The following MAPKAPK5 variants were observed in gnomAD, a reference collection of about 807,000 sequenced individuals.
MAPKAPK5 encodes the protein MAP kinase-activated protein kinase 5.
In MAPKAPK5, 30 loss-of-function variants were observed where a neutral mutation model predicts 65.1. That is an observed-to-expected ratio of 0.46 (90% confidence interval 0.34 to 0.63). MAPKAPK5 has a LOEUF of 0.63. Among genes scored for constraint, MAPKAPK5 ranks in the 20% least tolerant of loss-of-function variants. The pLI, the probability that MAPKAPK5 is intolerant of heterozygous loss-of-function variation, is 0.01. For missense variants in MAPKAPK5, 433 were observed against 581.4 expected (o/e 0.74, Z 2.63); for synonymous variants, 179 against 204.6 (o/e 0.87, Z 1.07).
chr12:111,864,162 T>C (rs575567688), intron 1 of MAPKAPK5, among the ~76,000 whole-genome samples: 106 of 152,134 alleles, frequency 7.0e-4, no homozygotes, highest in African/African-American at 2.5e-3. Flanking sequence ...GTTTTCCTAG[T>C]TACTTGGGAG....
chr12:111,868,662 TC>T lies in MAPKAPK5; in HGVS notation c.285-90del. On this transcript the variant is annotated intron_variant, in intron 4 of 13. Transcript: ENST00000550735. ...TGTTACACACTTTGTAGATGCAGTA[TC>T]TTTAGGTCAGCTTCTTAATGTTTCA... 10 of 960,626 alleles carry T rather than the reference TC, an allele frequency of 1.0e-5. No homozygotes were observed. In the South Asian group the frequency reaches 1.6e-4, roughly 15 times the overall value. The allele number at this position is 960,626 out of a possible 1,614,324, so 59.5% of individuals were successfully genotyped here.
At chr12:111,890,483 G>A (rs1465387081) in intron 13 of MAPKAPK5, among the ~76,000 whole-genome samples, 2 of 152,204 alleles carry the variant, frequency 1.3e-5, no homozygotes, top group Non-Finnish European at 1.5e-5. Context: ...TCATTAAGAA[G>A]CAACAGATGC....
At chr12:111,856,731 G>A (rs2069252526) in intron 1 of MAPKAPK5, among the ~76,000 whole-genome samples, 1 of 151,978 alleles carries the variant, frequency 6.6e-6, no homozygotes, top group South Asian at 2.1e-4. Flanking sequence ...TTGTGTTACT[G>A]TTGTCTATGT....
At chr12:111,843,219 C>G (rs2068785874) in intron 1 of MAPKAPK5, 1 of 398,516 alleles carries the variant, frequency 2.5e-6, no homozygotes, top group Non-Finnish European at 4.4e-6. Context: ...AAAGGTGGTT[C>G]GCCGTACAAA....
rs1488713450 is a variant in MAPKAPK5 at position 111,877,178 on chromosome 12, C to T, written c.580-3269C>T. ...GATTAAAGGCATGTGCCACCACGCC[C>T]GGCTAATTTTTTGTATTTTTAGTAG... On this transcript the variant is annotated intron_variant, in intron 7 of 13. Coordinates refer to ENST00000550735, the MANE Select transcript of MAPKAPK5 (RefSeq NM_003668.4). Among the ~76,000 whole-genome samples, 5 of 152,078 alleles carry T rather than the reference C, an allele frequency of 3.3e-5. No homozygotes were observed. In the South Asian group the frequency reaches 6.2e-4, roughly 19 times the overall value.
At chr12:111,846,761 T>G (rs779404372) in intron 1 of MAPKAPK5, among the ~76,000 whole-genome samples, 6 of 151,922 alleles carry the variant, frequency 3.9e-5, no homozygotes, top group Non-Finnish European at 8.8e-5. Context: ...CCTCCCAAAG[T>G]GCTAGAGTTA....
chr12:111,867,703 C>T, intron 4 of MAPKAPK5, 34 bp downstream of exon 4: 1 of 1,501,264 alleles, frequency 6.7e-7, no homozygotes. Flanking sequence ...CAAATGCCCA[C>T]ATGTAGGCCA....
intron 8 of MAPKAPK5, among the ~76,000 whole-genome samples, chr12:111,880,818 C>T (rs2070177773): frequency 6.6e-6 from 1 of 152,138 alleles, no homozygotes; most frequent in Non-Finnish European, 1.5e-5. Context: ...TAATTAGGGA[C>T]CGTGATCATC....
Position 111,865,323 on chromosome 12 carries a change from G to T in MAPKAPK5, c.110G>T (p.Arg37Ile). The T allele has an allele frequency of 6.3e-7, 1 of 1,586,084 alleles. No individual in the cohort carries two copies. Among genetic ancestry groups the T allele is most frequent in the Admixed American group, 1.8e-5 (1 of 56,200 alleles). ...GGAGCTGGAATTAGTGGTCCAGTTA[G>T]GTAAGAGATCCATATGAGAAACTAT... ...KLGAGISGPV[R>I]VCVKKSTQER... Residue 37 changes from arginine (R) to isoleucine (I), a missense_variant and splice_region_variant, in exon 2 of 14, where the codon AGA becomes ATA. Arg to Ile is a moderately conservative substitution (Grantham distance 97). Around this residue, in one of 3 missense-constraint regions of MAPKAPK5, gnomAD observed 165 missense variants for 180.0 expected, o/e 0.92. Coordinates refer to ENST00000550735, the MANE Select transcript of MAPKAPK5 (RefSeq NM_003668.4).
chr12:111,876,985 G>T (rs1432060658), intron 7 of MAPKAPK5, among the ~76,000 whole-genome samples: 2 of 151,920 alleles, frequency 1.3e-5, no homozygotes, highest in Non-Finnish European at 2.9e-5. Context: ...TGTAAAAGGT[G>T]TGAGGTAATA....
intron 1 of MAPKAPK5, among the ~76,000 whole-genome samples, chr12:111,857,220 T>C (rs1191353002): frequency 6.6e-6 from 1 of 151,974 alleles, no homozygotes; most frequent in African/African-American, 2.4e-5. Flanking sequence ...CTGTTCCTTC[T>C]TGTGGATCCA....
chr12:111,897,591 T>A lies in MAPKAPK5; in HGVS notation c.*4530T>A, dbSNP rs950716855. The A allele has an allele frequency of 4.6e-5, 7 of 152,314 alleles. No individual in the cohort carries two copies. Among genetic ancestry groups the A allele is most frequent in the Admixed American group, 6.5e-5 (1 of 15,308 alleles). The allele number at this position is 152,314 out of a possible 1,614,324, so 9.4% of individuals were successfully genotyped here. On this transcript the variant is annotated 3_prime_UTR_variant, in exon 14 of 14. Coordinates refer to ENST00000550735, the MANE Select transcript of MAPKAPK5 (RefSeq NM_003668.4). The stretch of plus-strand genomic sequence containing the variant: ...CTAAAATCTGTGATAATTTTCAAAA[T>A]ACAATTTTAAGAAGCTTTGCGCTTA...
Position 111,842,783 on chromosome 12 carries a change from G to C in MAPKAPK5, c.36+14G>C, listed in dbSNP as rs764412044. 2.6e-5 allele frequency: 34 copies of C among 1,320,202 alleles called. No individual in the cohort carries two copies. The highest frequency in any genetic ancestry group is 3.3e-5 in the Non-Finnish European group (34 of 1,026,076). The allele number at this position is 1,320,202 out of a possible 1,614,324, so 81.8% of individuals were successfully genotyped here. ...AAAGCCATCAAGGTAAGGGGGAGGT[G>C]CCCCCTCTTCCCCCGCGTTGTCCTG... On this transcript the variant is annotated intron_variant, in intron 1 of 13. Transcript: ENST00000550735.
intron 1 of MAPKAPK5, among the ~76,000 whole-genome samples, chr12:111,857,244 C>CTT (rs1347172253): frequency 2.8e-5 from 4 of 140,374 alleles, no homozygotes; most frequent in Admixed American, 7.2e-5. Flanking sequence ...TTTCTTTTTT[C>CTT]TTTTTTTTTT....
At chr12:111,878,998 G>C (rs2070097960) in intron 7 of MAPKAPK5, among the ~76,000 whole-genome samples, 2 of 152,108 alleles carry the variant, frequency 1.3e-5, no homozygotes, top group African/African-American at 4.8e-5. Context: ...TTGCTATTCT[G>C]ACTTCCTTGC....
intron 7 of MAPKAPK5, among the ~76,000 whole-genome samples, chr12:111,878,226 C>G (rs2070061332): frequency 6.6e-6 from 1 of 151,856 alleles, no homozygotes; most frequent in South Asian, 2.1e-4. Context: ...AAATCTTTGT[C>G]TCACCCAAGA....
Position 111,846,666 on chromosome 12 carries a change from T to G in MAPKAPK5, c.36+3897T>G, listed in dbSNP as rs575349275. Among the ~76,000 whole-genome samples the G allele has an allele frequency of 1.5e-3, 225 of 151,758 alleles. 5 individuals carry two copies. In the South Asian group the frequency reaches 0.032, roughly 22 times the overall value. Reference sequence around the variant, plus strand: ...GGTGTGCACCACCATGCCTGGCTAATTTTTGTATTTTTAGTAGAGACGGGG... The same window carrying G: ...GGTGTGCACCACCATGCCTGGCTAAGTTTTGTATTTTTAGTAGAGACGGGG... On this transcript the variant is annotated intron_variant, in intron 1 of 13. Transcript: ENST00000550735.
chr12:111,857,343 G>A (rs575724984), intron 1 of MAPKAPK5, among the ~76,000 whole-genome samples: 1 of 151,776 alleles, frequency 6.6e-6, no homozygotes, highest in Non-Finnish European at 1.5e-5. Context: ...CCGGGTTCAA[G>A]CAATTCTCCT....
chr12:111,845,152 TCTCA>T (rs1029158953), intron 1 of MAPKAPK5, among the ~76,000 whole-genome samples: 1 of 151,866 alleles, frequency 6.6e-6, no homozygotes, highest in African/African-American at 2.4e-5. Flanking sequence ...TGATACAGAG[TCTCA>T]CTCTGTCACC....
Sources: gnomAD v4.1 joint callset for allele counts (sites outside exome capture counted in the v4.1 genomes callset) on GRCh38, gnomAD v4.1.1 for gene constraint, gnomAD v4.1.1 regional missense constraint, MANE v1.5 for transcripts, NCBI Gene and HGNC (gene_info 2026-07-23, HGNC 2026-07-21) for gene names.